PEAK1: variants seen among roughly 807,000 people sequenced by gnomAD.
PEAK1 encodes inactive tyrosine-protein kinase PEAK1.
Under a neutral mutation model 124.7 loss-of-function variants are expected in PEAK1, and 54 were observed. The observed-to-expected ratio is 0.43, with a 90% CI of 0.35 to 0.54. The LOEUF is 0.54. PEAK1 is among the 20% of genes least tolerant of loss of function. PEAK1 has a pLI of 0.01. For missense variants in PEAK1, 2,046 were observed against 2,134.5 expected (o/e 0.96, Z 0.82); for synonymous variants, 719 against 760.0 (o/e 0.95, Z 0.89).
chr15:77,271,543 A>G (rs1027253675), intron 5 of PEAK1, among the ~76,000 whole-genome samples: 7 of 152,174 alleles, frequency 4.6e-5, no homozygotes, highest in East Asian at 3.8e-4. Context: ...ATGTCCATCA[A>G]TGATAGACTG....
In PEAK1 at chr15:77,337,535, G is replaced by T. The variant is rs2066277203; in HGVS notation, c.-603+27628C>A. ...CCTGAACACAAAATACCAAACAGAA[G>T]ATAAGATGTAGTCTGGCAGAGATTC... On this transcript the variant is annotated intron_variant, in intron 2 of 9. Transcript: ENST00000682557. The T allele has an allele frequency of 6.1e-6, 6 of 984,884 alleles. No homozygotes were observed. In the South Asian group the frequency reaches 2.8e-4, roughly 46 times the overall value. 61.0% of individuals were successfully genotyped at this position (984,884 alleles called of 1,614,324 possible).
intron 3 of PEAK1, among the ~76,000 whole-genome samples, chr15:77,285,368 C>T (rs577901194): frequency 2.0e-5 from 3 of 152,180 alleles, no homozygotes; most frequent in Non-Finnish European, 2.9e-5. Flanking sequence ...ATACTCTCCC[C>T]CTTTTTACTT....
intron 2 of PEAK1, among the ~76,000 whole-genome samples, chr15:77,299,305 A>G (rs2063669772): frequency 1.3e-5 from 2 of 152,242 alleles, no homozygotes; most frequent in African/African-American, 4.8e-5. Flanking sequence ...AATTAATTTT[A>G]AAAATAATTT....
rs1180396913 is a variant in PEAK1 at position 77,178,897 on chromosome 15, G to C, written c.3030C>G (p.Asp1010Glu). 3.7e-6 allele frequency: 6 copies of C among 1,613,876 alleles called. No homozygotes were observed. In the African/African-American group the frequency reaches 5.3e-5, roughly 14 times the overall value. ...TACCCTTCTCCATGACTGCTGCCTGGTCTGTCCTAGCCTTGCTCTGATCCA... is the reference window on the plus strand; with the variant it reads ...TACCCTTCTCCATGACTGCTGCCTGCTCTGTCCTAGCCTTGCTCTGATCCA... ...LSVDQSKART[D>E]QAAVMEKGRA... The change falls in exon 7 of 10, where the codon GAC (aspartate) becomes GAG (glutamate). Residue 1010 changes from aspartate (D) to glutamate (E), a missense_variant. Asp to Glu is a conservative substitution (Grantham distance 45). Coordinates refer to ENST00000682557, the MANE Select transcript of PEAK1 (RefSeq NM_001385026.1).
chr15:77,374,012 A>G (rs2068826359), intron 1 of PEAK1, among the ~76,000 whole-genome samples: 1 of 152,226 alleles, frequency 6.6e-6, no homozygotes, highest in African/African-American at 2.4e-5. Context: ...GATAATGTGC[A>G]AAAAAATCTT....
At chr15:77,406,716 A>G (rs1299899581) in intron 1 of PEAK1, among the ~76,000 whole-genome samples, 3 of 152,212 alleles carry the variant, frequency 2.0e-5, no homozygotes, top group Non-Finnish European at 4.4e-5. Context: ...AAAGCAATCA[A>G]CAAATTCAAT....
At chr15:77,407,910 TATAC>T (rs368874358) in intron 1 of PEAK1, among the ~76,000 whole-genome samples, 2 of 98,164 alleles carry the variant, frequency 2.0e-5, no homozygotes, top group African/African-American at 5.8e-5. Flanking sequence ...TACACATATA[TATAC>T]ACATATATAC....
chr15:77,180,098 A>C lies in PEAK1; in HGVS notation c.1829T>G (p.Ile610Ser). The change falls in exon 7 of 10, where the codon ATT (isoleucine) becomes AGT (serine). Residue 610 changes from isoleucine (I) to serine (S), a missense_variant. Coordinates refer to ENST00000682557, the MANE Select transcript of PEAK1 (RefSeq NM_001385026.1). The part of the protein sequence containing the change: ...NAGMPPFPII[I>S]HDEPTYARSS... ...CCGAGCATAAGTTGGCTCGTCATGAATGATAATTGGAAAAGGTGGCATACC... is the reference window on the plus strand; with the variant it reads ...CCGAGCATAAGTTGGCTCGTCATGACTGATAATTGGAAAAGGTGGCATACC... 6.2e-7 allele frequency: 1 copy of C among 1,614,154 alleles called. No homozygotes were observed. The highest frequency in any genetic ancestry group is 8.5e-7 in the Non-Finnish European group (1 of 1,180,006).
intron 8 of PEAK1, among the ~76,000 whole-genome samples, chr15:77,135,308 T>C (rs2053221407): frequency 6.6e-6 from 1 of 152,186 alleles, no homozygotes; most frequent in Non-Finnish European, 1.5e-5. Flanking sequence ...ATCACGTCCT[T>C]GCAGCATGTC....
rs189761682 is a variant in PEAK1, at chr15:77,205,231, T to A, written c.-114-23191A>T. The A allele has an allele frequency of 3.2e-3, 571 of 176,076 alleles. 6 individuals carry two copies. The highest frequency in any genetic ancestry group is 0.014 in the African/African-American group (511 of 36,736). The allele number at this position is 176,076 out of a possible 1,614,324, so 10.9% of individuals were successfully genotyped here. On this transcript the variant is annotated intron_variant, in intron 6 of 9. Coordinates refer to ENST00000682557, the MANE Select transcript of PEAK1 (RefSeq NM_001385026.1). The stretch of plus-strand genomic sequence containing the variant: ...AGACACATTTTCAAGAAGCATGGAA[T>A]CCCATCTCATCCCATTTTTTTTTTA...
At chr15:77,234,278 TTTTC>T (rs1340960084) in intron 6 of PEAK1, among the ~76,000 whole-genome samples, 6 of 152,224 alleles carry the variant, frequency 3.9e-5, no homozygotes, top group East Asian at 1.9e-4. Context: ...GATTAATATA[TTTTC>T]TTTCTTTTTC....
chr15:77,226,044 G>GATATATATAATATATATATATAT lies in PEAK1; in HGVS notation c.-115+26322_-115+26323insATATATATATATATTATATATAT, dbSNP rs57675196. ...CAGTCACAGCAACTGAAAATAAAGGGATATATATATATATATATATATATA... is the reference window on the plus strand; with the variant it reads ...CAGTCACAGCAACTGAAAATAAAGGGATATATATAATATATATATATATATATATATATATATATATATATATA... On this transcript the variant is annotated intron_variant, in intron 6 of 9. Coordinates refer to ENST00000682557, the MANE Select transcript of PEAK1 (RefSeq NM_001385026.1). Among the ~76,000 whole-genome samples, 30 of 44,974 alleles carry GATATATATAATATATATATATAT rather than the reference G, an allele frequency of 6.7e-4. 1 individual carries two copies. Among genetic ancestry groups the GATATATATAATATATATATATAT allele is most frequent in the Non-Finnish European group, 8.2e-4 (17 of 20,754 alleles). 29.5% of individuals were successfully genotyped at this position (44,974 alleles called of 152,430 possible). A position where few individuals can be genotyped will look rare whatever the true frequency, so the allele number is the denominator to read the frequency against.
chr15:77,377,713 G>A (rs965554219), intron 1 of PEAK1, among the ~76,000 whole-genome samples: 2 of 151,992 alleles, frequency 1.3e-5, no homozygotes, highest in South Asian at 2.1e-4. Context: ...CAGGTGATCC[G>A]CCCACTTTGG....
rs1358789163 is a variant in PEAK1 at position 77,133,783 on chromosome 15, A to G, written c.3332-33T>C. On this transcript the variant is annotated intron_variant, in intron 8 of 9. Coordinates refer to ENST00000682557, the MANE Select transcript of PEAK1 (RefSeq NM_001385026.1). This position sits in a 1 kb window ranked among gnomAD's most constrained non-coding sequence, Gnocchi z 4.2. ...GTTTTTAAAGCAATAAAAAGAAAAG[A>G]GTAAGTAAAGTTTTCAATCTAATTT... 1.3e-6 allele frequency: 2 copies of G among 1,511,008 alleles called. No homozygotes were observed. The highest frequency in any genetic ancestry group is 4.6e-5 in the East Asian group (2 of 43,526). 93.6% of individuals were successfully genotyped at this position (1,511,008 alleles called of 1,614,324 possible).
chr15:77,292,510 A>T (rs1052797822), intron 2 of PEAK1, among the ~76,000 whole-genome samples: 4 of 152,288 alleles, frequency 2.6e-5, no homozygotes, highest in African/African-American at 9.6e-5. Context: ...AAGCACAGAA[A>T]ATGTGAAAAA....
At chr15:77,323,938 A>G (rs1215125854) in intron 2 of PEAK1, among the ~76,000 whole-genome samples, 2 of 152,220 alleles carry the variant, frequency 1.3e-5, no homozygotes, top group Non-Finnish European at 2.9e-5. Context: ...AAACAGAGAT[A>G]CAGACCAATG....
chr15:77,206,943 C>A (rs921326247), intron 6 of PEAK1, among the ~76,000 whole-genome samples: 1 of 151,988 alleles, frequency 6.6e-6, no homozygotes, highest in Non-Finnish European at 1.5e-5. Flanking sequence ...CAGAACAGAG[C>A]CCTCAGAAAT....
Position 77,402,462 on chromosome 15 carries a change from T to C in PEAK1, c.-666+17544A>G, listed in dbSNP as rs1473828037. The C allele has an allele frequency of 6.1e-6, 6 of 984,234 alleles. No homozygotes were observed. In the African/African-American group the frequency reaches 8.7e-5, roughly 14 times the overall value. 61.0% of individuals were successfully genotyped at this position (984,234 alleles called of 1,614,324 possible). A position where few individuals can be genotyped will look rare whatever the true frequency, so the allele number is the denominator to read the frequency against. On this transcript the variant is annotated intron_variant, in intron 1 of 9. Transcript: ENST00000682557. ...AATGTCACTGCATATCTTTTAGTAA[T>C]GTGCCATATTTTCTCAATATTTAAA...
chr15:77,309,609 T>C (rs2152999771), intron 2 of PEAK1, among the ~76,000 whole-genome samples: 1 of 152,252 alleles, frequency 6.6e-6, no homozygotes, highest in African/African-American at 2.4e-5. Flanking sequence ...ATTACATAAA[T>C]AATCACCTAT....
Sources: gnomAD v4.1 joint callset for allele counts (sites outside exome capture counted in the v4.1 genomes callset) on GRCh38, gnomAD v4.1.1 for gene constraint, Gnocchi (gnomAD v3.1) non-coding constraint, MANE v1.5 for transcripts, NCBI Gene and HGNC (gene_info 2026-07-23, HGNC 2026-07-21) for gene names.